The following GAK variants were observed in gnomAD, a reference collection of about 807,000 sequenced individuals.
GAK encodes the protein cyclin-G-associated kinase.
In GAK, 79 loss-of-function variants were observed where a neutral mutation model predicts 143.9. The ratio of observed to expected loss-of-function variants is 0.55; its 90% CI spans 0.46 to 0.66. The LOEUF is 0.66. GAK is among the 30% of genes least tolerant of loss of function. The pLI, the probability that GAK is intolerant of heterozygous loss-of-function variation, is 0.00. For synonymous variants in GAK, 881 were observed against 765.5 expected, an observed-to-expected ratio of 1.15 and a Z score of -2.49; for missense variants, 1,693 against 1,779.7, an observed-to-expected ratio of 0.95 and a Z score of 0.88.
chr4:914,172 C>A (rs1401631102), intron 1 of GAK: 1 of 140,174 alleles, frequency 7.1e-6, no homozygotes, highest in Non-Finnish European at 1.2e-5. Flanking sequence ...ACAGCCCCAG[C>A]GTGCACGGCC....
chr4:870,180 A>G (rs1187363366), intron 19 of GAK, among the ~76,000 whole-genome samples: 1 of 152,230 alleles, frequency 6.6e-6, no homozygotes, highest in African/African-American at 2.4e-5. Flanking sequence ...GACGCTGAAG[A>G]TGCTCAGAAA....
chr4:855,335 C>CTA (rs1330091909), intron 24 of GAK, among the ~76,000 whole-genome samples: 2 of 148,256 alleles, frequency 1.3e-5, no homozygotes, highest in Non-Finnish European at 3.0e-5. Context: ...TTTATTTTTT[C>CTA]TAAAAAAAAA....
intron 5 of GAK, among the ~76,000 whole-genome samples, chr4:903,560 G>A (rs1720380177): frequency 6.6e-6 from 1 of 151,466 alleles, no homozygotes; most frequent in Non-Finnish European, 1.5e-5. Flanking sequence ...GCAGGAGTTG[G>A]GGGCCTGGGC....
chr4:864,974 G>A (rs1480201081), intron 23 of GAK, 148 bp downstream of exon 23: 14 of 1,112,604 alleles, frequency 1.3e-5, no homozygotes, highest in Non-Finnish European at 1.7e-5. Context: ...CCACAGCCTT[G>A]TGTGCGGAGC....
intron 1 of GAK, among the ~76,000 whole-genome samples, chr4:920,458 G>A (rs1432036592): frequency 1.3e-5 from 2 of 151,698 alleles, no homozygotes; most frequent in South Asian, 2.1e-4. Context: ...TGGTGAAAAC[G>A]CCACCAGGAA....
chr4:930,641 T>C (rs2152988463), intron 1 of GAK, among the ~76,000 whole-genome samples: 1 of 151,746 alleles, frequency 6.6e-6, no homozygotes, highest in Non-Finnish European at 1.5e-5. Context: ...ACAATAAACT[T>C]CTTAAAGAAT....
chr4:911,470 C>G (rs576376936), intron 4 of GAK, among the ~76,000 whole-genome samples: 16 of 152,344 alleles, frequency 1.1e-4, no homozygotes, highest in Non-Finnish European at 1.5e-4. Context: ...GGTGGCCCAC[C>G]GGGACAGTGG....
chr4:868,898 G>C (rs2152754098), intron 19 of GAK: 1 of 575,324 alleles, frequency 1.7e-6, no homozygotes, highest in African/African-American at 1.9e-5. Flanking sequence ...GTGCACACTT[G>C]GGCACAGCAC....
At chr4:877,879 T>C in intron 15 of GAK, 70 bp from the exon 16 acceptor site, 2 of 1,394,422 alleles carry the variant, frequency 1.4e-6, no homozygotes, top group Non-Finnish European at 1.9e-6. Flanking sequence ...ATTTTGTCTT[T>C]CGAATAGAAG....
chr4:862,822 T>G (rs1488849169), intron 23 of GAK, among the ~76,000 whole-genome samples: 1 of 152,218 alleles, frequency 6.6e-6, no homozygotes, highest in African/African-American at 2.4e-5. Flanking sequence ...ATATGACTGT[T>G]CGCTGACAAT....
chr4:922,714 A>G (rs1488754709), intron 1 of GAK, among the ~76,000 whole-genome samples: 1 of 152,152 alleles, frequency 6.6e-6, no homozygotes, highest in Non-Finnish European at 1.5e-5. Context: ...GCTGGTGGGA[A>G]TGTATGGCCA....
At chr4:883,142 G>C (rs1225561919) in intron 13 of GAK, among the ~76,000 whole-genome samples, 173 bp downstream of exon 13, 1 of 152,214 alleles carries the variant, frequency 6.6e-6, no homozygotes, top group Middle Eastern at 3.2e-3. Flanking sequence ...GGCATCCTCA[G>C]AGCAACAGAG....
In GAK at chr4:918,346, C is replaced by T. The variant is rs1723381057; in HGVS notation, c.146-4678G>A. On this transcript the variant is annotated intron_variant, in intron 1 of 27. Coordinates refer to ENST00000314167, the MANE Select transcript of GAK (RefSeq NM_005255.4). ...CAAGGCAAGATGTCTGCTCTCAGCACTGTAAGCCAACATTTTACTGGAGAT... is the reference window on the plus strand; with the variant it reads ...CAAGGCAAGATGTCTGCTCTCAGCATTGTAAGCCAACATTTTACTGGAGAT... Among the ~76,000 whole-genome samples, 3 of 152,260 alleles carry T rather than the reference C, an allele frequency of 2.0e-5. No individual in the cohort carries two copies. In the South Asian group the frequency reaches 6.2e-4, roughly 31 times the overall value.
intron 18 of GAK, 114 bp downstream of exon 18, chr4:876,416 C>T: frequency 1.2e-6 from 1 of 858,362 alleles, no homozygotes; most frequent in Non-Finnish European, 1.9e-6. Flanking sequence ...AGCCACCAAG[C>T]AGCAGTCACA....
intron 15 of GAK, among the ~76,000 whole-genome samples, chr4:880,650 G>A (rs1012167002): frequency 6.6e-6 from 1 of 152,022 alleles, no homozygotes; most frequent in African/African-American, 2.4e-5. Flanking sequence ...CTTCTCTTCT[G>A]GGGTCCAGTT....
Position 893,935 on chromosome 4 carries a change from G to A in GAK, c.816C>T (p.Val272=). Residue 272 remains valine (V), a synonymous_variant, in exon 8 of 28, where the codon GTC becomes GTT. Transcript: ENST00000314167. ...GCGGGGGGATCGAGTACTTCCCATT[G>A]ACTATTCGAAGTTTCGCTCCATCCT... ...PFEDGAKLRI[V]NGKYSIPPHD... is the part of the protein sequence containing the mutation. 6 of 1,613,010 alleles carry A rather than the reference G, an allele frequency of 3.7e-6. No individual in the cohort carries two copies. Among genetic ancestry groups the A allele is most frequent in the Non-Finnish European group, 5.1e-6 (6 of 1,179,754 alleles).
At chr4:884,292 G>A in intron 11 of GAK, 1 of 551,998 alleles carries the variant, frequency 1.8e-6, no homozygotes, top group Non-Finnish European at 3.2e-6. Context: ...CATCAGAAAC[G>A]GATGGAAATG....
At chr4:891,660 C>T (rs369048611) in intron 9 of GAK, among the ~76,000 whole-genome samples, 5 of 152,284 alleles carry the variant, frequency 3.3e-5, no homozygotes, top group South Asian at 4.1e-4. Flanking sequence ...CACCTCCTCC[C>T]GCCCCATCAA....
intron 23 of GAK, 44 bp downstream of exon 23, chr4:865,078 G>A (rs1026739): frequency 0.22 from 349,663 of 1,559,258 alleles, 40,704 homozygotes; most frequent in Middle Eastern, 0.36. Context: ...GGCCACAGCA[G>A]CTGCACGTCT....
Sources: allele counts gnomAD v4.1 joint callset (sites outside exome capture counted in the v4.1 genomes callset), GRCh38; gene constraint gnomAD v4.1.1; transcripts MANE v1.5; gene names NCBI Gene and HGNC (gene_info 2026-07-23, HGNC 2026-07-21).